Variants in GPC3 observed in about 807,000 individuals in gnomAD.
The protein encoded by GPC3 is glypican 3.
In GPC3, 3 loss-of-function variants were observed where a neutral mutation model predicts 34.4. That is an observed-to-expected ratio of 0.09 (90% CI 0.04 to 0.23). GPC3 has a LOEUF of 0.23. Among genes scored for constraint, GPC3 ranks in the 10% least tolerant of loss-of-function variants. The pLI is 1.00. For missense variants in GPC3, 351 were observed against 445.6 expected, an observed-to-expected ratio of 0.79 and a Z score of 1.91; for synonymous variants, 177 against 174.0, an observed-to-expected ratio of 1.02 and a Z score of -0.13.
chrX:133,638,576 T>G, intron 6 of GPC3, among the ~76,000 whole-genome samples: 1 of 111,732 alleles, frequency 8.9e-6, no homozygotes, highest in Non-Finnish European at 1.9e-5. Flanking sequence ...ATACAATACG[T>G]AGGTCGTTCT....
intron 6 of GPC3, among the ~76,000 whole-genome samples, chrX:133,651,783 C>A (rs1391043561): frequency 8.9e-6 from 1 of 111,969 alleles, no homozygotes; most frequent in Non-Finnish European, 1.9e-5. Context: ...TGATACATTT[C>A]ATATATGATA....
At chrX:133,805,130 AG>A in intron 2 of GPC3, among the ~76,000 whole-genome samples, 1 of 112,356 alleles carries the variant, frequency 8.9e-6, no homozygotes, top group East Asian at 2.8e-4. Context: ...TGAGAACAGA[AG>A]TGAAGTAGTA....
chrX:133,829,233 T>G (rs754699573), intron 2 of GPC3, among the ~76,000 whole-genome samples: 2 of 112,155 alleles, frequency 1.8e-5, no homozygotes, highest in African/African-American at 6.5e-5. Flanking sequence ...CAAAAAAATT[T>G]TATAACGGTA....
At chrX:133,565,196 C>G (rs148155031) in intron 7 of GPC3, among the ~76,000 whole-genome samples, 93 of 111,844 alleles carry the variant, frequency 8.3e-4, no homozygotes, top group African/African-American at 2.8e-3. Flanking sequence ...ACTGTTGCAT[C>G]TTTAATACCC....
chrX:133,689,156 C>G (rs2065567549), intron 5 of GPC3, among the ~76,000 whole-genome samples: 2 of 110,509 alleles, frequency 1.8e-5, no homozygotes, highest in Admixed American at 1.9e-4. Context: ...TCCTTTCTTT[C>G]TTTCCTGGAT....
intron 2 of GPC3, among the ~76,000 whole-genome samples, chrX:133,944,100 A>T: frequency 9.2e-6 from 1 of 109,196 alleles, no homozygotes; most frequent in East Asian, 2.9e-4. Context: ...ATATATATAT[A>T]TGTGTGTGTG....
At chrX:133,763,441 A>G (rs1476584291) in intron 2 of GPC3, 1 of 536,672 alleles carries the variant, frequency 1.9e-6, no homozygotes, top group Non-Finnish European at 3.4e-6. Context: ...AGAATAGCAG[A>G]CTGCTGCTGA....
chrX:133,767,201 T>C (rs1328924456), intron 2 of GPC3, among the ~76,000 whole-genome samples: 2 of 111,649 alleles, frequency 1.8e-5, no homozygotes, highest in Non-Finnish European at 3.8e-5. Flanking sequence ...CTACACTGGG[T>C]CTACTAAATA....
chrX:133,675,503 T>C (rs771269953), intron 5 of GPC3, among the ~76,000 whole-genome samples: 3 of 111,694 alleles, frequency 2.7e-5, no homozygotes, highest in Non-Finnish European at 5.6e-5. Flanking sequence ...TCTGTATTCA[T>C]TTCTAGGCCC....
chrX:133,686,051 C>T (rs746497398), intron 5 of GPC3, among the ~76,000 whole-genome samples: 1 of 112,057 alleles, frequency 8.9e-6, no homozygotes, highest in South Asian at 3.8e-4. Flanking sequence ...ACTAAGGCAT[C>T]GTGCCACAAA....
intron 7 of GPC3, among the ~76,000 whole-genome samples, chrX:133,577,292 TACTC>T (rs1348000763): frequency 1.8e-5 from 2 of 112,375 alleles, no homozygotes; most frequent in African/African-American, 3.2e-5. Flanking sequence ...GCTCCTATAA[TACTC>T]AAATAAACAC....
intron 2 of GPC3, among the ~76,000 whole-genome samples, chrX:133,918,940 A>T (rs917228992): frequency 1.8e-5 from 2 of 111,466 alleles, no homozygotes; most frequent in Non-Finnish European, 3.8e-5. Context: ...GGAAAGAACC[A>T]CCTCCACTGC....
At chrX:133,922,751 C>T (rs942358666) in intron 2 of GPC3, among the ~76,000 whole-genome samples, 3 of 109,255 alleles carry the variant, frequency 2.7e-5, no homozygotes, top group African/African-American at 1.0e-4. Context: ...GCAACTTCCT[C>T]TGGATCAAAT....
intron 3 of GPC3, among the ~76,000 whole-genome samples, chrX:133,723,482 G>A (rs2071386760): frequency 8.9e-6 from 1 of 112,181 alleles, no homozygotes; most frequent in Non-Finnish European, 1.9e-5. Context: ...TGGTTTGGAT[G>A]TTTGTCCCCT....
chrX:133,602,509 G>A (rs966011318), intron 6 of GPC3, among the ~76,000 whole-genome samples: 3 of 111,358 alleles, frequency 2.7e-5, no homozygotes, highest in Non-Finnish European at 3.8e-5. Context: ...CTGATGATCC[G>A]AGGTGGAACA....
intron 2 of GPC3, among the ~76,000 whole-genome samples, chrX:133,938,153 A>T (rs1246519034): frequency 8.9e-6 from 1 of 112,270 alleles, no homozygotes; most frequent in Non-Finnish European, 1.9e-5. Context: ...AACACAAGCT[A>T]ACATTCATTG....
At chrX:133,612,385 C>T (rs184746495) in intron 6 of GPC3, among the ~76,000 whole-genome samples, 1 of 112,165 alleles carries the variant, frequency 8.9e-6, no homozygotes, top group South Asian at 3.7e-4. Flanking sequence ...CTTTCTAGCC[C>T]TATGGTAAAT....
chrX:133,706,817 G>A lies in GPC3; in HGVS notation c.1033-6789C>T, dbSNP rs138421743. On this transcript the variant is annotated intron_variant, in intron 3 of 7. Transcript: ENST00000370818. ...TGGAGATTCCTCAAAGAACTAAGAG[G>A]TGAACTACCATTTGATTCAACAATA... is the stretch of plus-strand genomic sequence containing the variant. Among the ~76,000 whole-genome samples the A allele has an allele frequency of 2.9e-3, 326 of 111,530 alleles. 2 individuals carry two copies. The highest frequency in any genetic ancestry group is 5.4e-3 in the Non-Finnish European group (287 of 53,051).
At chrX:133,685,065 C>T (rs768381587) in intron 5 of GPC3, among the ~76,000 whole-genome samples, 1 of 110,808 alleles carries the variant, frequency 9.0e-6, no homozygotes, top group East Asian at 2.8e-4. Flanking sequence ...ATCCATGTAA[C>T]AAAAACCCAC....
Sources: allele counts gnomAD v4.1 joint callset (sites outside exome capture counted in the v4.1 genomes callset), GRCh38; gene constraint gnomAD v4.1.1; transcripts MANE v1.5; gene names NCBI Gene and HGNC (gene_info 2026-07-23, HGNC 2026-07-21).